Variants in PPP2R2C observed in about 807,000 individuals in gnomAD.
PPP2R2C encodes the protein protein phosphatase 2 regulatory subunit Bgamma, also known as protein phosphatase 2, regulatory subunit B, gamma.
A neutral mutation model predicts 45.3 loss-of-function variants in PPP2R2C; 10 were observed. The observed-to-expected ratio is 0.22, with a 90% confidence interval of 0.14 to 0.37. PPP2R2C has a LOEUF of 0.37. Ranked by LOEUF, PPP2R2C falls within the 10% of genes least tolerant of loss-of-function variation. The probability of loss-of-function intolerance (pLI) is 1.00; values close to 1 mark genes in which losing one functional copy is unlikely to be tolerated. For synonymous variants in PPP2R2C, 257 were observed against 245.4 expected, an observed-to-expected ratio of 1.05 and a Z score of -0.44; for missense variants, 308 against 619.7, an observed-to-expected ratio of 0.50 and a Z score of 5.34.
chr4:6,562,073 A>G (rs1251396112), intron 1 of PPP2R2C, among the ~76,000 whole-genome samples: 5 of 152,118 alleles, frequency 3.3e-5, no homozygotes, highest in South Asian at 2.1e-4. Context: ...GTGGGCGGAA[A>G]CCCTCACTCC....
At chr4:6,342,125 C>T (rs200571192) in intron 6 of PPP2R2C, among the ~76,000 whole-genome samples, 6 of 115,004 alleles carry the variant, frequency 5.2e-5, no homozygotes, top group South Asian at 2.6e-4. Flanking sequence ...CACACACACA[C>T]ACATACATAT....
At chr4:6,392,817 C>T (rs1577141198) in intron 1 of PPP2R2C, among the ~76,000 whole-genome samples, 1 of 152,152 alleles carries the variant, frequency 6.6e-6, no homozygotes, top group African/African-American at 2.4e-5. Flanking sequence ...CAGGGGTGGG[C>T]GTGGACCCTT....
intron 5 of PPP2R2C, among the ~76,000 whole-genome samples, chr4:6,370,755 A>G (rs1577117667): frequency 6.6e-6 from 1 of 152,302 alleles, no homozygotes; most frequent in East Asian, 1.9e-4. Context: ...AGTTATCCAC[A>G]TCAAACATGC....
chr4:6,335,134 G>A (rs1293972606), intron 6 of PPP2R2C, among the ~76,000 whole-genome samples: 1 of 152,210 alleles, frequency 6.6e-6, no homozygotes, highest in Non-Finnish European at 1.5e-5. Context: ...CTCTGTGCCA[G>A]GCCCTGGGAT....
chr4:6,339,555 C>G (rs1178257586), intron 6 of PPP2R2C, among the ~76,000 whole-genome samples: 1 of 152,278 alleles, frequency 6.6e-6, no homozygotes, highest in African/African-American at 2.4e-5. Flanking sequence ...CCATCGTTGT[C>G]AGTGTGTGGA....
intron 2 of PPP2R2C, among the ~76,000 whole-genome samples, chr4:6,483,625 G>C (rs1722436083): frequency 6.6e-6 from 1 of 151,990 alleles, no homozygotes; most frequent in Admixed American, 6.5e-5. Context: ...TAATTGGGTT[G>C]TTTGCCTTCT....
intron 6 of PPP2R2C, among the ~76,000 whole-genome samples, chr4:6,341,350 A>G (rs1733428872): frequency 6.6e-6 from 1 of 151,774 alleles, no homozygotes; most frequent in Admixed American, 6.6e-5. Flanking sequence ...AAAAAAAAAA[A>G]AAAAAAAACC....
chr4:6,544,447 A>T (rs1724909405), intron 1 of PPP2R2C, among the ~76,000 whole-genome samples: 1 of 152,010 alleles, frequency 6.6e-6, no homozygotes, highest in Non-Finnish European at 1.5e-5. Flanking sequence ...GGCTCAAGTG[A>T]TCCTCCCAAC....
intron 1 of PPP2R2C, among the ~76,000 whole-genome samples, chr4:6,394,688 G>A (rs1484611539): frequency 6.6e-6 from 1 of 152,232 alleles, no homozygotes; most frequent in Non-Finnish European, 1.5e-5. Flanking sequence ...TATCACTTGA[G>A]TCTCAGCCGG....
rs983395843 is a variant in PPP2R2C at position 6,329,457 on chromosome 4, T to C, written c.961-104A>G. 1.4e-5 allele frequency: 13 copies of C among 962,198 alleles called. No homozygotes were observed. The Admixed American group carries it at 1.5e-4, about 11-fold the overall frequency. 59.6% of individuals were successfully genotyped at this position (962,198 alleles called of 1,614,324 possible). Reference sequence around the variant, plus strand: ...CAGCGAGGGTCTGCATGCCCTGACATGGCCCAGCGCAGACCTGCTCATCTC... The same window carrying C: ...CAGCGAGGGTCTGCATGCCCTGACACGGCCCAGCGCAGACCTGCTCATCTC... On this transcript the variant is annotated intron_variant, in intron 7 of 8. Coordinates refer to ENST00000382599, the MANE Select transcript of PPP2R2C (RefSeq NM_020416.4). This position sits in a 1 kb window ranked among gnomAD's most constrained non-coding sequence, Gnocchi z 5.8.
Position 6,329,255 on chromosome 4 carries a change from G to A in PPP2R2C, c.1052+7C>T, listed in dbSNP as rs1390960988. ...GAGGTGAGGTGCGGGCTGAGGTCAG[G>A]GCTTACCTGTCGCTCCCGTTCCAGG... On this transcript the variant is annotated splice_region_variant and intron_variant, in intron 8 of 8. Transcript: ENST00000382599. The surrounding 1 kb of genome is among the most constrained non-coding windows in gnomAD (Gnocchi z 5.8). 6.2e-7 allele frequency: 1 copy of A among 1,613,080 alleles called. No individual in the cohort carries two copies. Among genetic ancestry groups the A allele is most frequent in the South Asian group, 1.1e-5 (1 of 91,028 alleles).
At chr4:6,534,030 ATG>A (rs780347797) in intron 2 of PPP2R2C, among the ~76,000 whole-genome samples, 14 of 96,934 alleles carry the variant, frequency 1.4e-4, no homozygotes, top group South Asian at 3.3e-4. Flanking sequence ...CAACACACAC[ATG>A]TCAACAAGCA....
At chr4:6,463,298 C>A (rs907458880) in intron 1 of PPP2R2C, among the ~76,000 whole-genome samples, 6 of 151,842 alleles carry the variant, frequency 4.0e-5, no homozygotes, top group Non-Finnish European at 7.4e-5. Context: ...AGACCCAGAG[C>A]ACAGGCCTGG....
intron 2 of PPP2R2C, among the ~76,000 whole-genome samples, chr4:6,530,966 G>A (rs1167246832): frequency 2.6e-5 from 4 of 152,184 alleles, no homozygotes; most frequent in Non-Finnish European, 4.4e-5. Flanking sequence ...GTGCAGCTGC[G>A]GCATCACTGT....
At chr4:6,556,724 G>C in intron 1 of PPP2R2C, among the ~76,000 whole-genome samples, 1 of 125,102 alleles carries the variant, frequency 8.0e-6, no homozygotes, top group African/African-American at 3.0e-5. Flanking sequence ...CCTACTCCAG[G>C]CTGTGGTTCC....
intron 2 of PPP2R2C, among the ~76,000 whole-genome samples, chr4:6,493,121 T>G (rs748094438): frequency 6.0e-4 from 91 of 152,250 alleles, no homozygotes; most frequent in Admixed American, 1.3e-3. Context: ...CCCCTCACTT[T>G]GCACAAGACT....
chr4:6,347,765 C>A lies in PPP2R2C; in HGVS notation c.790+81G>T, dbSNP rs370448515. On this transcript the variant is annotated intron_variant, in intron 6 of 8. Transcript: ENST00000382599. The stretch of plus-strand genomic sequence containing the variant: ...GCTCATCCCACACCCACCACCCCTG[C>A]AGCAGCTGCACCAGGACAGGACATC... The A allele has an allele frequency of 9.4e-5, 138 of 1,463,080 alleles. 1 individual carries two copies. In the East Asian group the frequency reaches 1.7e-3, roughly 18 times the overall value. The allele number at this position is 1,463,080 out of a possible 1,614,324, so 90.6% of individuals were successfully genotyped here.
chr4:6,503,305 T>G (rs1390849871), intron 2 of PPP2R2C, among the ~76,000 whole-genome samples: 2 of 152,206 alleles, frequency 1.3e-5, no homozygotes, highest in Non-Finnish European at 2.9e-5. Flanking sequence ...GTTGCTCAGA[T>G]ATGCACACAT....
At chr4:6,539,734 C>A (rs1311588009) in intron 1 of PPP2R2C, among the ~76,000 whole-genome samples, 1 of 152,192 alleles carries the variant, frequency 6.6e-6, no homozygotes, top group East Asian at 1.9e-4. Context: ...AGTGTCCCTG[C>A]AGGCGGAAGC....
Sources: gnomAD v4.1 joint callset for allele counts (sites outside exome capture counted in the v4.1 genomes callset) on GRCh38, gnomAD v4.1.1 for gene constraint, Gnocchi (gnomAD v3.1) non-coding constraint, MANE v1.5 for transcripts, NCBI Gene and HGNC (gene_info 2026-07-23, HGNC 2026-07-21) for gene names.